Variants in PDZRN4 observed in about 807,000 individuals in gnomAD.
PDZRN4 encodes PDZ domain-containing RING finger protein 4.
In PDZRN4, 70 loss-of-function variants were observed where a neutral mutation model predicts 99.0. The ratio of observed to expected loss-of-function variants is 0.71; its 90% CI spans 0.58 to 0.86. The LOEUF (loss-of-function observed/expected upper bound fraction) is 0.86, where lower values mean the gene tolerates loss of function less well. Among genes scored for constraint, PDZRN4 ranks in the 40% least tolerant of loss-of-function variants. PDZRN4 has a pLI of 0.00. For missense variants in PDZRN4, 1,474 were observed against 1,331.2 expected (o/e 1.11, Z -1.67); for synonymous variants, 551 against 501.6 (o/e 1.10, Z -1.32).
intron 3 of PDZRN4, among the ~76,000 whole-genome samples, chr12:41,216,481 C>A (rs1050319100): frequency 1.3e-5 from 2 of 151,972 alleles, no homozygotes; most frequent in African/African-American, 4.8e-5. Context: ...AGACAGAAAT[C>A]ATTCCTAAAA....
intron 3 of PDZRN4, among the ~76,000 whole-genome samples, chr12:41,321,816 C>T (rs1340771319): frequency 2.0e-5 from 3 of 151,986 alleles, no homozygotes; most frequent in Non-Finnish European, 2.9e-5. Flanking sequence ...ATGCTATCAT[C>T]GAGGATATTT....
At chr12:41,505,179 T>G (rs1359546114) in intron 3 of PDZRN4, among the ~76,000 whole-genome samples, 1 of 152,144 alleles carries the variant, frequency 6.6e-6, no homozygotes, top group South Asian at 2.1e-4. Flanking sequence ...TGACTTCTTT[T>G]GCTTCTTTTT....
At chr12:41,487,677 A>G (rs868611939) in intron 3 of PDZRN4, among the ~76,000 whole-genome samples, 13 of 152,314 alleles carry the variant, frequency 8.5e-5, no homozygotes, top group South Asian at 6.2e-4. Context: ...CTTGACATCT[A>G]GTTGAAGTAT....
intron 3 of PDZRN4, among the ~76,000 whole-genome samples, chr12:41,245,654 T>C (rs1219282979): frequency 2.0e-5 from 3 of 152,202 alleles, no homozygotes; most frequent in Non-Finnish European, 4.4e-5. Flanking sequence ...TTTCTGTGTT[T>C]TAAAATGTTC....
chr12:41,321,924 A>G (rs1357121401), intron 3 of PDZRN4, among the ~76,000 whole-genome samples: 3 of 152,152 alleles, frequency 2.0e-5, no homozygotes, highest in Non-Finnish European at 4.4e-5. Context: ...ATGTTTGTAA[A>G]CCAATCAAAC....
At chr12:41,409,132 C>G (rs920591871) in intron 3 of PDZRN4, among the ~76,000 whole-genome samples, 5 of 152,008 alleles carry the variant, frequency 3.3e-5, no homozygotes, top group African/African-American at 4.8e-5. Flanking sequence ...GATAAAATGT[C>G]TCTTTAAAGT....
At chr12:41,299,734 G>C (rs965706693) in intron 3 of PDZRN4, among the ~76,000 whole-genome samples, 1 of 151,868 alleles carries the variant, frequency 6.6e-6, no homozygotes, top group Non-Finnish European at 1.5e-5. Flanking sequence ...AGTTTTCAAA[G>C]CATATTTCAC....
intron 5 of PDZRN4, among the ~76,000 whole-genome samples, chr12:41,518,452 C>A (rs1592094517): frequency 6.6e-6 from 1 of 152,078 alleles, no homozygotes; most frequent in Admixed American, 6.6e-5. Context: ...TTATTTAAAT[C>A]ATTAAGAGCT....
intron 3 of PDZRN4, among the ~76,000 whole-genome samples, chr12:41,400,550 A>G (rs1479977715): frequency 1.3e-5 from 2 of 152,028 alleles, no homozygotes; most frequent in Admixed American, 6.6e-5. Context: ...TATACTACAT[A>G]TGTTCTGTTT....
chr12:41,433,256 T>C (rs776582929), intron 3 of PDZRN4, among the ~76,000 whole-genome samples: 1 of 152,178 alleles, frequency 6.6e-6, no homozygotes, highest in Non-Finnish European at 1.5e-5. Context: ...AATAAAGACA[T>C]GTTCGTGTAG....
chr12:41,530,176 T>C (rs1938637491), intron 5 of PDZRN4, among the ~76,000 whole-genome samples: 1 of 152,240 alleles, frequency 6.6e-6, no homozygotes, highest in Middle Eastern at 3.2e-3. Flanking sequence ...ATTCAGTGAA[T>C]GCCGTCTACC....
intron 3 of PDZRN4, among the ~76,000 whole-genome samples, chr12:41,267,654 C>T (rs189562027): frequency 6.0e-4 from 86 of 143,978 alleles, no homozygotes; most frequent in African/African-American, 2.0e-3. Context: ...CATAATGAAA[C>T]CCCATCTCTA....
At chr12:41,260,082 T>C (rs1476502331) in intron 3 of PDZRN4, among the ~76,000 whole-genome samples, 2 of 152,214 alleles carry the variant, frequency 1.3e-5, no homozygotes, top group Non-Finnish European at 2.9e-5. Flanking sequence ...AATAATCTAA[T>C]GCATTTTCTA....
chr12:41,573,804 A>T lies in PDZRN4; in HGVS notation c.3025A>T (p.Thr1009Ser). The change falls in exon 10 of 10, where the codon ACA becomes TCA. Residue 1009 changes from threonine (T) to serine (S), a missense_variant. Physicochemically the swap from Thr to Ser is moderately conservative, Grantham distance 58. Coordinates refer to ENST00000402685, the MANE Select transcript of PDZRN4 (RefSeq NM_001164595.2). Reference sequence around the variant, plus strand: ...CAAGAAAATTTTGGACAACTGGATGACAATCCAAGAACTGATGACCCATGG... The same window carrying T: ...CAAGAAAATTTTGGACAACTGGATGTCAATCCAAGAACTGATGACCCATGG... ...RNKKILDNWM[T>S]IQELMTHGAK... 1.2e-6 allele frequency: 2 copies of T among 1,613,302 alleles called. No homozygotes were observed. Among genetic ancestry groups the T allele is most frequent in the Non-Finnish European group, 1.7e-6 (2 of 1,179,630 alleles).
chr12:41,279,591 C>CT, intron 3 of PDZRN4, among the ~76,000 whole-genome samples: 1 of 152,256 alleles, frequency 6.6e-6, no homozygotes, highest in South Asian at 2.1e-4. Context: ...AAATAAGTCT[C>CT]TGTGTCCTCA....
intron 3 of PDZRN4, among the ~76,000 whole-genome samples, chr12:41,307,906 C>A (rs1313598598): frequency 1.3e-5 from 2 of 151,968 alleles, no homozygotes; most frequent in Non-Finnish European, 1.5e-5. Context: ...ATATTGCCCA[C>A]TTTATATATG....
chr12:41,190,169 C>T (rs1302694176), intron 1 of PDZRN4, among the ~76,000 whole-genome samples: 1 of 152,208 alleles, frequency 6.6e-6, no homozygotes, highest in African/African-American at 2.4e-5. Context: ...GGACTGGCTG[C>T]TCCACACTGC....
chr12:41,528,392 CTTT>C (rs1320376590), intron 5 of PDZRN4, among the ~76,000 whole-genome samples: 3 of 152,118 alleles, frequency 2.0e-5, no homozygotes, highest in Non-Finnish European at 2.9e-5. Flanking sequence ...TAAACTTTTT[CTTT>C]ATTTTCTCTT....
At chr12:41,497,979 A>C (rs183631296) in intron 3 of PDZRN4, among the ~76,000 whole-genome samples, 4 of 151,912 alleles carry the variant, frequency 2.6e-5, no homozygotes, top group Admixed American at 1.3e-4. Flanking sequence ...ATATTATGAA[A>C]CTTTTTTTTC....
Sources: allele counts gnomAD v4.1 joint callset (sites outside exome capture counted in the v4.1 genomes callset), GRCh38; gene constraint gnomAD v4.1.1; transcripts MANE v1.5; gene names NCBI Gene and HGNC (gene_info 2026-07-23, HGNC 2026-07-21).